The following KCNJ6 variants were observed in gnomAD, a reference collection of about 807,000 sequenced individuals.
KCNJ6 encodes the protein G protein-activated inward rectifier potassium channel 2.
A neutral mutation model predicts 34.2 loss-of-function variants in KCNJ6; 9 were observed. The observed-to-expected ratio is 0.26, with a 90% CI of 0.16 to 0.46. The LOEUF (loss-of-function observed/expected upper bound fraction) is 0.46, where lower values mean the gene tolerates loss of function less well. Among genes scored for constraint, KCNJ6 ranks in the 20% least tolerant of loss-of-function variants. The pLI is 1.00. For synonymous variants in KCNJ6, 196 were observed against 207.1 expected, an observed-to-expected ratio of 0.95 and a Z score of 0.46; for missense variants, 236 against 531.3, an observed-to-expected ratio of 0.44 and a Z score of 5.46.
chr21:37,849,031 T>A (rs2055524356), intron 1 of KCNJ6, among the ~76,000 whole-genome samples: 1 of 152,176 alleles, frequency 6.6e-6, no homozygotes, highest in Admixed American at 6.5e-5. Context: ...ACAAGCATTA[T>A]CACCACAGAC....
chr21:37,627,022 G>A (rs914631029), intron 3 of KCNJ6, among the ~76,000 whole-genome samples: 6 of 152,204 alleles, frequency 3.9e-5, no homozygotes, highest in Non-Finnish European at 7.3e-5. Flanking sequence ...CCACCAATAA[G>A]TATTACGCAG....
chr21:37,637,289 C>T (rs1293838090), intron 3 of KCNJ6, among the ~76,000 whole-genome samples: 1 of 152,162 alleles, frequency 6.6e-6, no homozygotes, highest in Non-Finnish European at 1.5e-5. Context: ...GCCCTAGGCT[C>T]AGGTTAAAAA....
intron 1 of KCNJ6, among the ~76,000 whole-genome samples, chr21:37,870,366 T>A (rs1352631807): frequency 6.6e-6 from 1 of 152,136 alleles, no homozygotes; most frequent in Non-Finnish European, 1.5e-5. Context: ...GGAACAGACC[T>A]TTTAAGCATC....
intron 1 of KCNJ6, among the ~76,000 whole-genome samples, chr21:37,853,846 G>GTGTGTGTATATATA (rs71198897): frequency 2.6e-5 from 3 of 115,990 alleles, no homozygotes; most frequent in African/African-American, 1.2e-4. Flanking sequence ...ATATATATAT[G>GTGTGTGTATATATA]TATATATATA....
intron 2 of KCNJ6, among the ~76,000 whole-genome samples, chr21:37,818,967 G>C (rs11908945): frequency 0.19 from 29,185 of 151,958 alleles, 4,396 homozygotes; most frequent in East Asian, 0.43. Flanking sequence ...AGCAGGTATG[G>C]GGTGAGCTAA....
rs1011970177 is a variant in KCNJ6 at position 37,612,541 on chromosome 21, C to T, written c.*12618G>A. The T allele has an allele frequency of 2.0e-5, 3 of 152,040 alleles. No individual in the cohort carries two copies. Among genetic ancestry groups the T allele is most frequent in the African/African-American group, 4.8e-5 (2 of 41,382 alleles). 9.4% of individuals were successfully genotyped at this position (152,040 alleles called of 1,614,324 possible). On this transcript the variant is annotated 3_prime_UTR_variant, in exon 4 of 4. Coordinates refer to ENST00000609713, the MANE Select transcript of KCNJ6 (RefSeq NM_002240.5). The stretch of plus-strand genomic sequence containing the variant: ...AGAAAGAAAGCTACAGTACTCAAGA[C>T]GATGTGGTGTTGGTGAAGGAATAGA...
In KCNJ6 at chr21:37,619,196, A is replaced by G. The variant is rs2054282652; in HGVS notation, c.*5963T>C. On this transcript the variant is annotated 3_prime_UTR_variant, in exon 4 of 4. Transcript: ENST00000609713. ...AAGAGAACTTGATATGTTTTTCCAT[A>G]GAACTAAAAAGATAAGGAACCTAGC... The G allele has an allele frequency of 6.6e-6, 1 of 152,212 alleles. No individual in the cohort carries two copies. 9.4% of individuals were successfully genotyped at this position (152,212 alleles called of 1,614,324 possible).
intron 3 of KCNJ6, among the ~76,000 whole-genome samples, chr21:37,645,076 T>G (rs887542737): frequency 6.9e-6 from 1 of 145,946 alleles, no homozygotes; most frequent in Non-Finnish European, 1.5e-5. Flanking sequence ...CCAAAAGCAA[T>G]AGATTTTTTA....
chr21:37,778,281 G>A (rs1028142720), intron 2 of KCNJ6, among the ~76,000 whole-genome samples: 1 of 152,010 alleles, frequency 6.6e-6, no homozygotes, highest in Non-Finnish European at 1.5e-5. Context: ...TTGCTACTTT[G>A]CTTTCTGAAA....
intron 2 of KCNJ6, among the ~76,000 whole-genome samples, chr21:37,754,930 C>CG (rs1024692287): frequency 6.6e-6 from 1 of 152,090 alleles, no homozygotes; most frequent in African/African-American, 2.4e-5. Context: ...GACAGAAAGC[C>CG]GGAGAGGTAT....
intron 2 of KCNJ6, among the ~76,000 whole-genome samples, chr21:37,775,822 T>C (rs1347385760): frequency 6.6e-6 from 1 of 151,882 alleles, no homozygotes; most frequent in African/African-American, 2.4e-5. Context: ...TAGGATTGCC[T>C]TGGCGATGCG....
chr21:37,649,555 G>T (rs1349383709), intron 3 of KCNJ6, among the ~76,000 whole-genome samples: 1 of 152,104 alleles, frequency 6.6e-6, no homozygotes, highest in East Asian at 1.9e-4. Flanking sequence ...TTTGCAAGAG[G>T]CTGTCTGCGG....
At chr21:37,647,636 C>T (rs1185546673) in intron 3 of KCNJ6, among the ~76,000 whole-genome samples, 1 of 152,198 alleles carries the variant, frequency 6.6e-6, no homozygotes, top group Non-Finnish European at 1.5e-5. Context: ...TAGGGACAGT[C>T]TCCATGCTCC....
intron 2 of KCNJ6, among the ~76,000 whole-genome samples, chr21:37,820,934 T>G (rs1452192789): frequency 6.6e-6 from 1 of 152,222 alleles, no homozygotes; most frequent in East Asian, 1.9e-4. Flanking sequence ...CAATATTATT[T>G]CTTGTTGAAA....
At chr21:37,788,393 A>G (rs1419166174) in intron 2 of KCNJ6, among the ~76,000 whole-genome samples, 2 of 152,164 alleles carry the variant, frequency 1.3e-5, no homozygotes, top group Non-Finnish European at 1.5e-5. Context: ...TACTGATTAT[A>G]ATGTCCTTCT....
chr21:37,762,083 C>T (rs916250347), intron 2 of KCNJ6, among the ~76,000 whole-genome samples: 1 of 152,064 alleles, frequency 6.6e-6, no homozygotes, highest in Non-Finnish European at 1.5e-5. Context: ...TCATAAATTC[C>T]CCAGTGTGTG....
intron 2 of KCNJ6, among the ~76,000 whole-genome samples, chr21:37,805,661 T>C (rs905421268): frequency 6.6e-6 from 1 of 152,126 alleles, no homozygotes; most frequent in African/African-American, 2.4e-5. Context: ...CAAATTAAGA[T>C]GAGTTCGGAC....
intron 2 of KCNJ6, among the ~76,000 whole-genome samples, chr21:37,814,634 C>CA (rs1398350586): frequency 1.3e-5 from 2 of 152,276 alleles, no homozygotes; most frequent in East Asian, 3.9e-4. Context: ...CGTGGCAACT[C>CA]ACGCCTGTAA....
chr21:37,646,820 G>A (rs1023268360), intron 3 of KCNJ6, among the ~76,000 whole-genome samples: 2 of 151,992 alleles, frequency 1.3e-5, no homozygotes, highest in African/African-American at 2.4e-5. Context: ...ACAGGCGCCT[G>A]CCACCACGCC....
Sources: allele counts gnomAD v4.1 joint callset (sites outside exome capture counted in the v4.1 genomes callset), GRCh38; gene constraint gnomAD v4.1.1; transcripts MANE v1.5; gene names NCBI Gene and HGNC (gene_info 2026-07-23, HGNC 2026-07-21).